The following SGK3 variants were observed in gnomAD, a reference collection of about 807,000 sequenced individuals.
SGK3 encodes the protein serum/glucocorticoid regulated kinase family member 3.
A neutral mutation model predicts 68.5 loss-of-function variants in SGK3; 47 were observed. That is an observed-to-expected ratio of 0.69 (90% CI 0.54 to 0.87). SGK3 has a LOEUF of 0.87. Among genes scored for constraint, SGK3 ranks in the 40% least tolerant of loss-of-function variants. The probability of loss-of-function intolerance (pLI) is 0.00; values close to 1 mark genes in which losing one functional copy is unlikely to be tolerated. For missense variants in SGK3, 479 were observed against 575.5 expected (o/e 0.83, Z 1.72); for synonymous variants, 181 against 189.1 (o/e 0.96, Z 0.35).
At chr8:66,851,773 TAAC>T (rs1164671349) in intron 16 of SGK3, among the ~76,000 whole-genome samples, 2 of 152,284 alleles carry the variant, frequency 1.3e-5, no homozygotes, top group African/African-American at 2.4e-5. Context: ...AGTAAATACA[TAAC>T]AACAGGGAAA....
At position 66,725,259 on chromosome 8, in the gene SGK3, G is replaced by A. The variant is rs539408019; in HGVS notation, c.-122+12426G>A. Among the ~76,000 whole-genome samples the A allele has an allele frequency of 3.3e-5, 5 of 152,044 alleles. No homozygotes were observed. The East Asian group carries it at 9.6e-4, about 29-fold the overall frequency. On this transcript the variant is annotated intron_variant, in intron 1 of 16. Coordinates refer to ENST00000521198, the MANE Select transcript of SGK3 (RefSeq NM_001033578.3). ...CAAAACAAAACAAAAAAATTAACTG[G>A]GCACAGTGGTGGGCGCCTGTAATCC...
At chr8:66,803,257 G>A (rs542480099) in intron 3 of SGK3, among the ~76,000 whole-genome samples, 30 of 152,272 alleles carry the variant, frequency 2.0e-4, no homozygotes, top group African/African-American at 7.2e-4. Flanking sequence ...ATGCTGTAAA[G>A]TGATTAGTAC....
intron 1 of SGK3, among the ~76,000 whole-genome samples, chr8:66,726,419 C>T (rs975351854): frequency 5.3e-5 from 8 of 152,190 alleles, no homozygotes; most frequent in African/African-American, 1.9e-4. Flanking sequence ...CCTCTCAAAG[C>T]CCCTCATCCG....
At position 66,800,340 on chromosome 8, in the gene SGK3, C is replaced by CA. The variant is rs1216946784; in HGVS notation, c.180+1727dup. ...TGGGTGACGGAGCGAGACTCTCTCTCAAAAAAAAAAAAGTGGCGGGGGGGG... is the reference window on the plus strand; with the variant it reads ...TGGGTGACGGAGCGAGACTCTCTCTCAAAAAAAAAAAAAGTGGCGGGGGGGG... On this transcript the variant is annotated intron_variant, in intron 3 of 16. Transcript: ENST00000521198. Among the ~76,000 whole-genome samples, 107 of 92,896 alleles carry CA rather than the reference C, an allele frequency of 1.2e-3. 1 individual carries two copies. Among genetic ancestry groups the CA allele is most frequent in the South Asian group, 4.2e-3 (11 of 2,620 alleles). The allele number at this position is 92,896 out of a possible 152,430, so 60.9% of individuals were successfully genotyped here.
intron 5 of SGK3, among the ~76,000 whole-genome samples, chr8:66,818,913 T>A (rs1423165741): frequency 1.3e-5 from 2 of 152,240 alleles, no homozygotes; most frequent in South Asian, 2.1e-4. Context: ...TTCTGATATA[T>A]CTTGGAGTAG....
At chr8:66,816,932 G>A (rs1808610069) in intron 5 of SGK3, among the ~76,000 whole-genome samples, 1 of 152,144 alleles carries the variant, frequency 6.6e-6, no homozygotes, top group South Asian at 2.1e-4. Context: ...CTGGGCTCAA[G>A]CAGTTCTCTC....
chr8:66,775,807 G>A (rs542956747), intron 1 of SGK3, among the ~76,000 whole-genome samples: 1 of 151,700 alleles, frequency 6.6e-6, no homozygotes, highest in East Asian at 1.9e-4. Context: ...CAGGGGTTAC[G>A]TAGGGAGTGT....
intron 1 of SGK3, among the ~76,000 whole-genome samples, chr8:66,721,171 A>G (rs1804784196): frequency 6.6e-6 from 1 of 152,190 alleles, no homozygotes; most frequent in African/African-American, 2.4e-5. Flanking sequence ...CCCTCTTCAC[A>G]TACTAAAGCC....
intron 1 of SGK3, among the ~76,000 whole-genome samples, chr8:66,740,419 T>A (rs951428061): frequency 2.0e-5 from 3 of 152,250 alleles, no homozygotes; most frequent in Admixed American, 2.0e-4. Flanking sequence ...AGCTTGAGTC[T>A]CAGCAATTTT....
At chr8:66,805,117 C>G (rs1585742025) in intron 4 of SGK3, among the ~76,000 whole-genome samples, 1 of 151,986 alleles carries the variant, frequency 6.6e-6, no homozygotes, top group South Asian at 2.1e-4. Flanking sequence ...ATTTGGGAAA[C>G]TTTACAGACT....
intron 1 of SGK3, among the ~76,000 whole-genome samples, chr8:66,720,938 C>T (rs1340500651): frequency 6.6e-6 from 1 of 151,778 alleles, no homozygotes; most frequent in Non-Finnish European, 1.5e-5. Context: ...AGAGTGAGAC[C>T]CTGTCTCACA....
intron 1 of SGK3, among the ~76,000 whole-genome samples, chr8:66,772,632 C>T (rs1191542215): frequency 6.6e-6 from 1 of 150,480 alleles, no homozygotes; most frequent in African/African-American, 2.5e-5. Flanking sequence ...GCAATCTCGG[C>T]TCACTGCAAG....
intron 13 of SGK3, among the ~76,000 whole-genome samples, chr8:66,842,780 G>A (rs1024440635): frequency 2.6e-5 from 4 of 152,156 alleles, no homozygotes; most frequent in Admixed American, 6.5e-5. Flanking sequence ...GCTACATTAA[G>A]TATTCTTGCC....
At chr8:66,815,968 T>C (rs2130649970) in intron 5 of SGK3, among the ~76,000 whole-genome samples, 1 of 152,300 alleles carries the variant, frequency 6.6e-6, no homozygotes, top group East Asian at 1.9e-4. Context: ...AGAAGATATT[T>C]CCAGCACCCC....
intron 1 of SGK3, among the ~76,000 whole-genome samples, chr8:66,791,799 C>T (rs1215978580): frequency 6.6e-6 from 1 of 152,170 alleles, no homozygotes; most frequent in African/African-American, 2.4e-5. Flanking sequence ...GGTTCCAGGA[C>T]AGGGCCAGTC....
chr8:66,833,183 T>A (rs1809372765), intron 8 of SGK3, among the ~76,000 whole-genome samples: 1 of 152,064 alleles, frequency 6.6e-6, no homozygotes, highest in Non-Finnish European at 1.5e-5. Context: ...TTTTTGTATT[T>A]TTAGTGGGGA....
At chr8:66,770,195 C>T (rs1806462792) in intron 1 of SGK3, among the ~76,000 whole-genome samples, 1 of 151,544 alleles carries the variant, frequency 6.6e-6, no homozygotes, top group South Asian at 2.1e-4. Context: ...ACCTCGTGAT[C>T]CGCCTGCCTC....
chr8:66,842,728 A>G (rs1011295774), intron 13 of SGK3, among the ~76,000 whole-genome samples: 2 of 152,172 alleles, frequency 1.3e-5, no homozygotes, highest in African/African-American at 2.4e-5. Context: ...TGAGAATGCA[A>G]TTCTTTCTTT....
chr8:66,794,538 AC>A (rs1250918243), intron 2 of SGK3, among the ~76,000 whole-genome samples: 16 of 150,808 alleles, frequency 1.1e-4, no homozygotes, highest in Admixed American at 1.0e-3. Flanking sequence ...GTAACTCCCC[AC>A]CCCCCTCACC....
Sources: allele counts gnomAD v4.1 joint callset (sites outside exome capture counted in the v4.1 genomes callset), GRCh38; gene constraint gnomAD v4.1.1; transcripts MANE v1.5; gene names NCBI Gene and HGNC (gene_info 2026-07-23, HGNC 2026-07-21).